The following DOCK8 variants were observed in gnomAD, a reference collection of about 807,000 sequenced individuals.
DOCK8 encodes the protein dedicator of cytokinesis protein 8.
A neutral mutation model predicts 245.6 loss-of-function variants in DOCK8; 141 were observed. The ratio of observed to expected loss-of-function variants is 0.57; its 90% CI spans 0.50 to 0.66. The LOEUF (loss-of-function observed/expected upper bound fraction) is 0.66. Ranked by LOEUF, DOCK8 falls within the 30% of genes least tolerant of loss-of-function variation. The pLI, the probability that DOCK8 is intolerant of heterozygous loss-of-function variation, is 0.00. For missense variants in DOCK8, 2,965 were observed against 2,603.4 expected (o/e 1.14, Z -3.02); for synonymous variants, 1,168 against 970.2 (o/e 1.20, Z -3.79).
chr9:253,155 C>A (rs1213754786), intron 1 of DOCK8, among the ~76,000 whole-genome samples: 1 of 152,166 alleles, frequency 6.6e-6, no homozygotes, highest in East Asian at 1.9e-4. Flanking sequence ...ACAGGGTAGT[C>A]TGGGCTTCAC....
chr9:331,077 A>T (rs1008501631), intron 9 of DOCK8, among the ~76,000 whole-genome samples: 1 of 152,158 alleles, frequency 6.6e-6, no homozygotes, highest in Non-Finnish European at 1.5e-5. Flanking sequence ...CACATTTTTA[A>T]TCCATTCACT....
chr9:286,535 G>T lies in DOCK8; in HGVS notation c.231G>T (p.Val77=), dbSNP rs2048830444. The change falls in exon 3 of 48, where the codon GTG becomes GTT. Residue 77 remains valine, a synonymous_variant. Coordinates refer to ENST00000432829, the MANE Select transcript of DOCK8 (RefSeq NM_203447.4). Reference sequence around the variant, plus strand: ...TGACACACCTGAACAGCCTGGATGTGCAGCTTGCCCAGGAGCTCGGGGACT... The same window carrying T: ...TGACACACCTGAACAGCCTGGATGTTCAGCTTGCCCAGGAGCTCGGGGACT... ...LLMTHLNSLD[V]QLAQELGDFT... 1 of 1,613,920 alleles carries T rather than the reference G, an allele frequency of 6.2e-7. No homozygotes were observed. Among genetic ancestry groups the T allele is most frequent in the Non-Finnish European group, 8.5e-7 (1 of 1,179,944 alleles).
rs78473664 is a variant in DOCK8, at chr9:344,405, T to A, written c.1679+4084T>A. On this transcript the variant is annotated intron_variant, in intron 14 of 47. Coordinates refer to ENST00000432829, the MANE Select transcript of DOCK8 (RefSeq NM_203447.4). ...TCTCCAGTCCTTGTGTGCTTTAGGG[T>A]GGTTTTGATTAGATTGGGCTTGACA... 5.7e-3 allele frequency among the ~76,000 whole-genome samples: 870 copies of A among 152,258 alleles called. 6 individuals are homozygous for A. The highest frequency in any genetic ancestry group is 0.02 in the African/African-American group (834 of 41,534).
At chr9:435,839 C>CT (rs2056882032) in intron 39 of DOCK8, among the ~76,000 whole-genome samples, 2 of 152,202 alleles carry the variant, frequency 1.3e-5, no homozygotes, top group Admixed American at 6.5e-5. Context: ...ATGTTGGGTA[C>CT]TTTTTTTGTA....
intron 14 of DOCK8, among the ~76,000 whole-genome samples, chr9:341,421 C>G (rs955154172): frequency 2.0e-5 from 3 of 152,144 alleles, no homozygotes; most frequent in Non-Finnish European, 4.4e-5. Context: ...GAAAAGGATG[C>G]CTTCTATAAA....
upstream of DOCK8, chr9:213,776 C>T (rs991289013): frequency 6.6e-6 from 1 of 151,594 alleles, no homozygotes; most frequent in Non-Finnish European, 1.5e-5. Flanking sequence ...TGTCGCCAGG[C>T]TGGAGTGCAG....
chr9:324,817 C>A lies in DOCK8; in HGVS notation c.828-854C>A, dbSNP rs984457051. Among the ~76,000 whole-genome samples the A allele has an allele frequency of 2.6e-5, 4 of 152,198 alleles. No individual in the cohort carries two copies. In the East Asian group the frequency reaches 5.8e-4, roughly 22 times the overall value. On this transcript the variant is annotated intron_variant, in intron 7 of 47. Transcript: ENST00000432829. Reference sequence around the variant, plus strand: ...TCCTTAGAATTGAATAATACAGATTCTATCCTTTAAATTTTTTTATTTCAA... The same window carrying A: ...TCCTTAGAATTGAATAATACAGATTATATCCTTTAAATTTTTTTATTTCAA...
chr9:325,717 G>T lies in DOCK8; in HGVS notation c.874G>T (p.Asp292Tyr), dbSNP rs563721489. ...EPLFASIALY[D>Y]VKERKKISEN... ...CCTGTTTGCCAGCATTGCCCTCTAC[G>T]ATGTTAAAGAAAGGAAAAAGGTAAG... The change falls in exon 8 of 48, where the codon GAT becomes TAT. Residue 292 changes from aspartate (D) to tyrosine (Y), a missense_variant. Asp to Tyr is a radical substitution (Grantham distance 160). Around this residue, in one of 3 missense-constraint regions of DOCK8, gnomAD observed 2,825 missense variants for 2,453.5 expected, o/e 1.15. Transcript: ENST00000432829. 6.2e-7 allele frequency: 1 copy of T among 1,613,952 alleles called. No individual in the cohort carries two copies. Among genetic ancestry groups the T allele is most frequent in the Non-Finnish European group, 8.5e-7 (1 of 1,179,888 alleles).
In DOCK8 at chr9:434,919, T is replaced by C. The variant is rs1158421284; in HGVS notation, c.5023T>C (p.Tyr1675His). Residue 1675 changes from tyrosine (Y) to histidine (H), a missense_variant, in exon 39 of 48, where the codon TAT (tyrosine) becomes CAT (histidine). This residue lies in a region of DOCK8 where 2,825 missense variants were observed against 2,453.5 expected (regional missense o/e 1.15). Coordinates refer to ENST00000432829, the MANE Select transcript of DOCK8 (RefSeq NM_203447.4). ...LVHAAALVAE[Y>H]LSMLEDHSYL... ...GCACGCCGCTGCGTTAGTGGCTGAGTATCTGAGCATGCTGGAGGACCACAG... is the reference window on the plus strand; with the variant it reads ...GCACGCCGCTGCGTTAGTGGCTGAGCATCTGAGCATGCTGGAGGACCACAG... 3 of 1,613,648 alleles carry C rather than the reference T, an allele frequency of 1.9e-6. No individual in the cohort carries two copies. Among genetic ancestry groups the C allele is most frequent in the Non-Finnish European group, 8.5e-7 (1 of 1,180,022 alleles).
At chr9:354,723 C>T (rs929843308) in intron 14 of DOCK8, among the ~76,000 whole-genome samples, 5 of 152,182 alleles carry the variant, frequency 3.3e-5, no homozygotes, top group African/African-American at 9.7e-5. Flanking sequence ...GTCGGTTCCT[C>T]ACTAAGCCAG....
intron 1 of DOCK8, among the ~76,000 whole-genome samples, chr9:263,647 T>C (rs1160244149): frequency 2.0e-5 from 3 of 152,236 alleles, no homozygotes; most frequent in African/African-American, 7.2e-5. Flanking sequence ...CTGCTGGTGA[T>C]AAATTCTCTC....
chr9:246,272 A>G (rs2047503984), intron 1 of DOCK8, among the ~76,000 whole-genome samples: 1 of 152,036 alleles, frequency 6.6e-6, no homozygotes, highest in South Asian at 2.1e-4. Context: ...TATAATCCCA[A>G]CACTGGAAGG....
intron 1 of DOCK8, chr9:215,340 C>T (rs199646675): frequency 4.1e-5 from 65 of 1,602,240 alleles, no homozygotes; most frequent in Non-Finnish European, 5.4e-5. Context: ...TGGCCGGGTC[C>T]CAGAAGGGTG....
chr9:232,600 C>T lies in DOCK8; in HGVS notation c.53+17571C>T, dbSNP rs574866446. 2.0e-3 allele frequency among the ~76,000 whole-genome samples: 310 copies of T among 152,230 alleles called. 1 individual carries two copies. Among genetic ancestry groups the T allele is most frequent in the Non-Finnish European group, 3.3e-3 (227 of 68,016 alleles). On this transcript the variant is annotated intron_variant, in intron 1 of 47. Transcript: ENST00000432829. ...CCTGTTATTTGTCTATTCAGAGATT[C>T]AACTTCTTCCTGGTTTAGTCTTGGG...
intron 47 of DOCK8, among the ~76,000 whole-genome samples, chr9:463,946 TG>T (rs1334733922): frequency 6.6e-6 from 1 of 152,166 alleles, no homozygotes; most frequent in African/African-American, 2.4e-5. Flanking sequence ...TGGCCTGTGT[TG>T]GTTTTTTTGT....
Position 464,201 on chromosome 9 carries a change from G to T in DOCK8, c.6282G>T (p.Gln2094His), listed in dbSNP as rs2057902446. 4 of 1,613,904 alleles carry T rather than the reference G, an allele frequency of 2.5e-6. No individual in the cohort carries two copies. The South Asian group carries it at 3.3e-5, about 13-fold the overall frequency. Residue 2094 changes from glutamine (Q) to histidine (H), a missense_variant, in exon 48 of 48, where the codon CAG becomes CAT. Transcript: ENST00000432829. ...HRSSFRKCETQLSQGS is the reference protein window; with the variant it reads ...HRSSFRKCETHLSQGS ...CTAGTTTCAGGAAATGTGAAACCCA[G>T]TTGTCACAGGGCAGCTAAGAAAAGC...
At chr9:308,930 T>C (rs2049973635) in intron 5 of DOCK8, among the ~76,000 whole-genome samples, 1 of 152,244 alleles carries the variant, frequency 6.6e-6, no homozygotes, top group Non-Finnish European at 1.5e-5. Flanking sequence ...GTGCTGAGAT[T>C]ACAGGCATGA....
intron 26 of DOCK8, among the ~76,000 whole-genome samples, chr9:400,770 C>CCAT (rs1390888125): frequency 3.2e-5 from 2 of 61,716 alleles, no homozygotes; most frequent in Non-Finnish European, 3.3e-5. Context: ...ACCACCTCCA[C>CCAT]CACCACCACC....
intron 28 of DOCK8, 48 bp from the exon 29 acceptor site, chr9:414,734 T>G (rs1343563212): frequency 6.2e-7 from 1 of 1,613,082 alleles, no homozygotes; most frequent in Admixed American, 1.7e-5. Flanking sequence ...AGCTCTTTAG[T>G]CAATTTCCTT....
Sources: allele counts gnomAD v4.1 joint callset (sites outside exome capture counted in the v4.1 genomes callset), GRCh38; gene constraint gnomAD v4.1.1; regional missense constraint gnomAD v4.1.1; transcripts MANE v1.5; gene names NCBI Gene and HGNC (gene_info 2026-07-23, HGNC 2026-07-21).